Variants in CATSPERE observed in about 807,000 individuals in gnomAD.
The protein encoded by CATSPERE is cation channel sperm-associated auxiliary subunit epsilon.
Under a neutral mutation model 114.1 loss-of-function variants are expected in CATSPERE, and 93 were observed. The ratio of observed to expected loss-of-function variants is 0.81; its 90% confidence interval spans 0.69 to 0.97. The LOEUF (loss-of-function observed/expected upper bound fraction) is 0.97, where lower values mean the gene tolerates loss of function less well. CATSPERE is among the 50% of genes least tolerant of loss of function. CATSPERE has a pLI of 0.00. For synonymous variants in CATSPERE, 341 were observed against 384.1 expected, an observed-to-expected ratio of 0.89 and a Z score of 1.31; for missense variants, 1,058 against 1,131.6, an observed-to-expected ratio of 0.93 and a Z score of 0.93.
intron 8 of CATSPERE, among the ~76,000 whole-genome samples, chr1:244,522,755 G>A (rs541960819): frequency 1.8e-3 from 275 of 152,202 alleles, no homozygotes; most frequent in African/African-American, 5.6e-3. Flanking sequence ...TAAATTCCTC[G>A]ACACATACAC....
At chr1:244,558,552 G>A (rs373912215) in intron 9 of CATSPERE, among the ~76,000 whole-genome samples, 1 of 151,882 alleles carries the variant, frequency 6.6e-6, no homozygotes, top group African/African-American at 2.4e-5. Context: ...GACATTCTGG[G>A]CACCTTATCA....
chr1:244,635,775 G>T (rs1385705245), intron 21 of CATSPERE, among the ~76,000 whole-genome samples: 2 of 152,118 alleles, frequency 1.3e-5, no homozygotes, highest in African/African-American at 4.8e-5. Flanking sequence ...CAAAGTCAAT[G>T]GTTTTAATAA....
At chr1:244,520,743 A>G (rs1677403665) in intron 8 of CATSPERE, among the ~76,000 whole-genome samples, 1 of 152,206 alleles carries the variant, frequency 6.6e-6, no homozygotes, top group Non-Finnish European at 1.5e-5. Context: ...GAATCCAGGG[A>G]GCCAAGCAGC....
intron 17 of CATSPERE, among the ~76,000 whole-genome samples, chr1:244,596,413 C>T (rs1668438305): frequency 1.3e-5 from 2 of 152,212 alleles, no homozygotes; most frequent in Non-Finnish European, 2.9e-5. Flanking sequence ...CTCTAATAAA[C>T]TTGCTTTCTT....
upstream of CATSPERE, among the ~76,000 whole-genome samples, chr1:244,456,628 C>G (rs1407155229): frequency 2.6e-5 from 4 of 152,066 alleles, no homozygotes; most frequent in Non-Finnish European, 5.9e-5. Context: ...GATCAGATAT[C>G]AGATTTGCTA....
upstream of CATSPERE, among the ~76,000 whole-genome samples, chr1:244,460,408 C>T (rs913940063): frequency 6.6e-6 from 1 of 152,148 alleles, no homozygotes; most frequent in Non-Finnish European, 1.5e-5. Context: ...CTTGTGGCCC[C>T]ACCCAGGAAG....
chr1:244,613,617 T>C (rs1671011631), intron 19 of CATSPERE, among the ~76,000 whole-genome samples: 1 of 152,204 alleles, frequency 6.6e-6, no homozygotes, highest in African/African-American at 2.4e-5. Context: ...CCCCTTACAA[T>C]AACTAGTCCT....
intron 2 of CATSPERE, among the ~76,000 whole-genome samples, chr1:244,464,571 A>G (rs1008169055): frequency 1.3e-5 from 2 of 152,196 alleles, no homozygotes; most frequent in African/African-American, 2.4e-5. Flanking sequence ...TGGGAAATAC[A>G]CTTAATTTAA....
chr1:244,515,927 C>T (rs1572505684), intron 7 of CATSPERE, among the ~76,000 whole-genome samples: 1 of 151,202 alleles, frequency 6.6e-6, no homozygotes, highest in African/African-American at 2.4e-5. Flanking sequence ...GGCATGGTGT[C>T]TCACACCTAT....
At chr1:244,469,425 C>T (rs1000325092) in intron 2 of CATSPERE, among the ~76,000 whole-genome samples, 3 of 152,096 alleles carry the variant, frequency 2.0e-5, no homozygotes, top group African/African-American at 7.2e-5. Flanking sequence ...ACTTTCTTCC[C>T]TTCTGAATTA....
In CATSPERE at chr1:244,462,786, A is replaced by G. The variant is rs910971186; in HGVS notation, c.66-1122A>G. 3.4e-4 allele frequency among the ~76,000 whole-genome samples: 52 copies of G among 152,344 alleles called. 2 individuals are homozygous for G. The highest frequency in any genetic ancestry group is 4.6e-4 in the Admixed American group (7 of 15,302). ...GTTAAACATAAGAATTCAGAGTGCT[A>G]TTAAGGCTTGTATAATTCTGATAAG... is the stretch of plus-strand genomic sequence containing the variant. On this transcript the variant is annotated intron_variant, in intron 1 of 21. Transcript: ENST00000366534.
intron 5 of CATSPERE, among the ~76,000 whole-genome samples, 188 bp from the exon 6 acceptor site, chr1:244,490,259 G>C (rs534912774): frequency 3.9e-5 from 6 of 152,318 alleles, no homozygotes; most frequent in East Asian, 1.9e-4. Flanking sequence ...ATGAGAATCA[G>C]TAACGATATT....
At chr1:244,618,822 T>A (rs1312826453) in intron 20 of CATSPERE, among the ~76,000 whole-genome samples, 1 of 151,796 alleles carries the variant, frequency 6.6e-6, no homozygotes, top group African/African-American at 2.4e-5. Context: ...TCTACATGGA[T>A]AATGGAGAAG....
intron 15 of CATSPERE, 45 bp downstream of exon 15, chr1:244,591,776 G>A (rs1271565951): frequency 1.8e-6 from 2 of 1,140,996 alleles, no homozygotes; most frequent in African/African-American, 3.1e-5. Context: ...TATTAACGTA[G>A]TACCAATACT....
intron 5 of CATSPERE, among the ~76,000 whole-genome samples, chr1:244,488,620 C>A (rs757154770): frequency 2.6e-5 from 4 of 152,182 alleles, no homozygotes; most frequent in African/African-American, 4.8e-5. Context: ...AATACGAAAG[C>A]CTTTCTTTTA....
At chr1:244,639,130 G>T (rs1246137368) in intron 21 of CATSPERE, among the ~76,000 whole-genome samples, 1 of 152,156 alleles carries the variant, frequency 6.6e-6, no homozygotes, top group Non-Finnish European at 1.5e-5. Flanking sequence ...CTTGGCACCT[G>T]AGCTGCTGTC....
At chr1:244,595,989 A>G (rs912896632) in intron 17 of CATSPERE, among the ~76,000 whole-genome samples, 1 of 152,304 alleles carries the variant, frequency 6.6e-6, no homozygotes, top group African/African-American at 2.4e-5. Context: ...GGGGTAGAGG[A>G]TGAATTTCAG....
At chr1:244,608,268 C>T (rs1376598206) in intron 18 of CATSPERE, among the ~76,000 whole-genome samples, 1 of 152,094 alleles carries the variant, frequency 6.6e-6, no homozygotes, top group Non-Finnish European at 1.5e-5. Context: ...CATGGTGGCT[C>T]ACACCTATAA....
chr1:244,618,735 CCATT>C (rs58310397), intron 20 of CATSPERE, among the ~76,000 whole-genome samples: 93,642 of 151,510 alleles, frequency 0.62, 29,265 homozygotes, highest in Middle Eastern at 0.77. Context: ...TGAGATTGCG[CCATT>C]CATTGCACTC....
Sources: allele counts gnomAD v4.1 joint callset (sites outside exome capture counted in the v4.1 genomes callset), GRCh38; gene constraint gnomAD v4.1.1; transcripts MANE v1.5; gene names NCBI Gene and HGNC (gene_info 2026-07-23, HGNC 2026-07-21).